The following TMPRSS15 variants were observed in gnomAD, a reference collection of about 807,000 sequenced individuals.
TMPRSS15 encodes enteropeptidase.
In TMPRSS15, 128 loss-of-function variants were observed where a neutral mutation model predicts 125.3. The ratio of observed to expected loss-of-function variants is 1.02; its 90% CI spans 0.89 to 1.18. The LOEUF is 1.18. Among genes scored for constraint, TMPRSS15 ranks in the 50% most tolerant of loss-of-function variants. The pLI, the probability that TMPRSS15 is intolerant of heterozygous loss-of-function variation, is 0.00. For missense variants in TMPRSS15, 1,283 were observed against 1,212.7 expected, an observed-to-expected ratio of 1.06 and a Z score of -0.86; for synonymous variants, 446 against 423.2, an observed-to-expected ratio of 1.05 and a Z score of -0.66.
intron 1 of TMPRSS15, among the ~76,000 whole-genome samples, chr21:18,485,582 T>G (rs1158141109): frequency 1.3e-5 from 2 of 152,074 alleles, no homozygotes; most frequent in Non-Finnish European, 2.9e-5. Context: ...CTTTTCAGCA[T>G]CTGTCAAAAT....
intron 1 of TMPRSS15, among the ~76,000 whole-genome samples, chr21:18,439,977 T>C (rs1420696070): frequency 6.6e-6 from 1 of 152,132 alleles, no homozygotes; most frequent in East Asian, 1.9e-4. Context: ...TTGTTGTGGA[T>C]AAGTTTTATA....
chr21:18,344,177 T>C, intron 10 of TMPRSS15, 117 bp from the exon 11 acceptor site: 1 of 857,998 alleles, frequency 1.2e-6, no homozygotes, highest in Non-Finnish European at 1.9e-6. Context: ...GGAAATATAT[T>C]TTAATATAGT....
At chr21:18,303,542 G>A (rs2074996397) in intron 18 of TMPRSS15, among the ~76,000 whole-genome samples, 2 of 152,104 alleles carry the variant, frequency 1.3e-5, no homozygotes, top group African/African-American at 4.8e-5. Flanking sequence ...AATAAGGAAG[G>A]TTTTGTTATA....
intron 3 of TMPRSS15, among the ~76,000 whole-genome samples, chr21:18,389,082 A>G (rs1275620263): frequency 6.6e-5 from 10 of 151,860 alleles, no homozygotes; most frequent in Non-Finnish European, 1.2e-4. Context: ...AAATAAAGAC[A>G]AGAGAAAGAA....
At chr21:18,350,750 A>T (rs1669221713) in intron 10 of TMPRSS15, among the ~76,000 whole-genome samples, 1 of 151,346 alleles carries the variant, frequency 6.6e-6, no homozygotes, top group Non-Finnish European at 1.5e-5. Flanking sequence ...ACAATTAATT[A>T]TATATATACA....
At chr21:18,338,618 A>C (rs1458905443) in intron 13 of TMPRSS15, among the ~76,000 whole-genome samples, 1 of 152,156 alleles carries the variant, frequency 6.6e-6, no homozygotes, top group Non-Finnish European at 1.5e-5. Flanking sequence ...CCCTACCATC[A>C]TTTCCAAACT....
At chr21:18,369,925 C>T (rs1206070561) in intron 6 of TMPRSS15, among the ~76,000 whole-genome samples, 1 of 120,008 alleles carries the variant, frequency 8.3e-6, no homozygotes, top group Admixed American at 9.6e-5. Context: ...TATTATCCCA[C>T]AAATAATTCG....
In TMPRSS15 at chr21:18,416,276, C is replaced by A. The variant is rs148191292; in HGVS notation, c.11-17947G>T. ...ATCAAAATCCTAATGGTGTTTTTTACAGAAATAGAGAAAAGAATCCTAAAT... is the reference window on the plus strand; with the variant it reads ...ATCAAAATCCTAATGGTGTTTTTTAAAGAAATAGAGAAAAGAATCCTAAAT... On this transcript the variant is annotated intron_variant, in intron 1 of 7. Coordinates refer to the TMPRSS15 transcript ENST00000422787. Among the ~76,000 whole-genome samples, 252 of 151,936 alleles carry A rather than the reference C, an allele frequency of 1.7e-3. 2 individuals are homozygous for A. Among genetic ancestry groups the A allele is most frequent in the African/African-American group, 5.8e-3 (242 of 41,486 alleles).
chr21:18,448,686 T>A (rs1328674400), intron 1 of TMPRSS15, among the ~76,000 whole-genome samples: 2 of 152,166 alleles, frequency 1.3e-5, no homozygotes, highest in Non-Finnish European at 2.9e-5. Context: ...TACATTTATA[T>A]AATTTTAAAT....
At chr21:18,449,053 A>G (rs529599447) in intron 1 of TMPRSS15, among the ~76,000 whole-genome samples, 64 of 152,280 alleles carry the variant, frequency 4.2e-4, no homozygotes, top group African/African-American at 1.4e-3. Flanking sequence ...ATCAAACTAT[A>G]CAGACACAAT....
rs114810003 is a variant in TMPRSS15, at chr21:18,289,235, G to A, written c.2486+5035C>T. Among the ~76,000 whole-genome samples, 755 of 152,142 alleles carry A rather than the reference G, an allele frequency of 5.0e-3. 6 individuals carry two copies. The highest frequency in any genetic ancestry group is 0.017 in the African/African-American group (718 of 41,516). On this transcript the variant is annotated intron_variant, in intron 21 of 24. Transcript: ENST00000284885. Reference sequence around the variant, plus strand: ...GTACTAAATAAATTATAAATAGGCCGGGCACAGTGACTCACACCTGTAATC... The same window carrying A: ...GTACTAAATAAATTATAAATAGGCCAGGCACAGTGACTCACACCTGTAATC...
At chr21:18,329,073 T>C (rs1267796402) in intron 15 of TMPRSS15, 96 bp downstream of exon 15, 3 of 1,440,654 alleles carry the variant, frequency 2.1e-6, no homozygotes, top group African/African-American at 2.8e-5. Context: ...TTTTGCAAGT[T>C]GTAAAAGAGT....
At chr21:18,273,011 C>A (rs1256842197) in intron 24 of TMPRSS15, among the ~76,000 whole-genome samples, 1 of 152,122 alleles carries the variant, frequency 6.6e-6, no homozygotes, top group African/African-American at 2.4e-5. Context: ...GTTTCTGATT[C>A]AGCAGATATG....
At chr21:18,403,456 G>T (rs553734400) in intron 1 of TMPRSS15, 22 bp downstream of exon 1, 6 of 1,614,048 alleles carry the variant, frequency 3.7e-6, no homozygotes, top group Non-Finnish European at 5.1e-6. Flanking sequence ...GCACCTTCAC[G>T]AGCCAACTCC....
chr21:18,279,172 A>AT (rs35775458), intron 22 of TMPRSS15, 113 bp from the exon 23 acceptor site: 7,716 of 539,716 alleles, frequency 0.014, no homozygotes, highest in East Asian at 0.017. Context: ...AAAAACATGT[A>AT]TTTTTTTTTT....
chr21:18,482,360 T>C (rs2123292619), intron 1 of TMPRSS15, among the ~76,000 whole-genome samples: 1 of 151,586 alleles, frequency 6.6e-6, no homozygotes, highest in East Asian at 1.9e-4. Context: ...TTATTAGTTT[T>C]CTTTAGACAA....
rs1047393305 is a variant in TMPRSS15 at position 18,436,640 on chromosome 21, C to T, written c.11-38311G>A. Among the ~76,000 whole-genome samples the T allele has an allele frequency of 4.0e-5, 6 of 150,996 alleles. No homozygotes were observed. The South Asian group carries it at 8.4e-4, about 21-fold the overall frequency. ...CAAAAATCACAAGCATTCTTACACA[C>T]CAATAACAGACAAACAGAGAGCCAA... On this transcript the variant is annotated intron_variant, in intron 1 of 7. Coordinates refer to the TMPRSS15 transcript ENST00000422787.
At chr21:18,331,978 G>A (rs1601346284) in intron 14 of TMPRSS15, 106 bp downstream of exon 14, 1 of 875,718 alleles carries the variant, frequency 1.1e-6, no homozygotes. Flanking sequence ...GACATGATAG[G>A]CGTACCCATG....
chr21:18,355,675 A>G (rs983753888), intron 8 of TMPRSS15, among the ~76,000 whole-genome samples: 1 of 151,792 alleles, frequency 6.6e-6, no homozygotes, highest in South Asian at 2.1e-4. Context: ...TTTCTTCTGT[A>G]GTGTTACAAC....
Sources: gnomAD v4.1 joint callset for allele counts (sites outside exome capture counted in the v4.1 genomes callset) on GRCh38, gnomAD v4.1.1 for gene constraint, MANE v1.5 for transcripts, NCBI Gene and HGNC (gene_info 2026-07-23, HGNC 2026-07-21) for gene names.